The following COL22A1 variants were observed in gnomAD, a reference collection of about 807,000 sequenced individuals.
COL22A1 encodes the protein collagen type XXII alpha 1 chain.
COL22A1 carries 221 observed loss-of-function variants against 248.9 expected under a neutral mutation model. The observed-to-expected ratio is 0.89, with a 90% CI of 0.80 to 0.99. The LOEUF (loss-of-function observed/expected upper bound fraction) is 0.99, where lower values mean the gene tolerates loss of function less well. Among genes scored for constraint, COL22A1 ranks in the 50% least tolerant of loss-of-function variants. The pLI, the probability that COL22A1 is intolerant of heterozygous loss-of-function variation, is 0.00. For synonymous variants in COL22A1, 891 were observed against 793.4 expected (o/e 1.12, Z -2.07); for missense variants, 2,240 against 2,179.0 (o/e 1.03, Z -0.56).
At chr8:138,671,497 G>A (rs1438195322) in intron 41 of COL22A1, among the ~76,000 whole-genome samples, 2 of 152,222 alleles carry the variant, frequency 1.3e-5, no homozygotes, top group Non-Finnish European at 2.9e-5. Context: ...TAAATGCTGC[G>A]TGATTCTAAT....
In COL22A1 at chr8:138,606,433, C is replaced by A. The variant is rs1357552069; in HGVS notation, c.4052G>T (p.Gly1351Val). 1 of 1,613,720 alleles carries A rather than the reference C, an allele frequency of 6.2e-7. No individual in the cohort carries two copies. The highest frequency in any genetic ancestry group is 2.2e-5 in the East Asian group (1 of 44,854). ...AGGAAGTCCTGGGCTGCCATTTTCC[C>A]CTTTGCTTCCTTTCTGGCCCTGCAA... The part of the protein sequence containing the change: ...SGTPGQKGSK[G>V]ENGSPGLPGF... Residue 1351 changes from glycine (G) to valine (V), a missense_variant, in exon 58 of 65, where the codon GGG (glycine) becomes GTG (valine). Gly to Val is a moderately radical substitution (Grantham distance 109, BLOSUM62 -3). Transcript: ENST00000303045.
intron 12 of COL22A1, among the ~76,000 whole-genome samples, chr8:138,794,400 A>AT (rs1447160037): frequency 6.6e-6 from 1 of 151,448 alleles, no homozygotes; most frequent in East Asian, 1.9e-4. Context: ...AAAAAAAAAA[A>AT]GGAGCTGCTG....
At chr8:138,796,677 G>C in intron 12 of COL22A1, 142 bp downstream of exon 12, 4 of 691,604 alleles carry the variant, frequency 5.8e-6, no homozygotes, top group Non-Finnish European at 1.1e-5. Context: ...GACACACATT[G>C]AGGCCAGTTA....
chr8:138,863,544 T>G lies in COL22A1; in HGVS notation c.658+14206A>C, dbSNP rs16909719. On this transcript the variant is annotated intron_variant, in intron 3 of 64. Transcript: ENST00000303045. The stretch of plus-strand genomic sequence containing the variant: ...GGTCCATTTTACCTGAGTCCCAATC[T>G]ACAAAGCAATAGCACTGAGCAAGTC... 2.0e-4 allele frequency among the ~76,000 whole-genome samples: 31 copies of G among 152,264 alleles called. 1 individual carries two copies. Among genetic ancestry groups the G allele is most frequent in the East Asian group, 1.7e-3 (9 of 5,176 alleles).
intron 56 of COL22A1, among the ~76,000 whole-genome samples, chr8:138,609,451 G>A (rs1327762735): frequency 5.3e-5 from 8 of 152,132 alleles, no homozygotes; most frequent in Admixed American, 1.3e-4. Context: ...CAGCACAGAC[G>A]TCTTTCTCCC....
chr8:138,781,304 G>T (rs1233527698), intron 12 of COL22A1, among the ~76,000 whole-genome samples: 5 of 152,130 alleles, frequency 3.3e-5, no homozygotes, highest in Non-Finnish European at 5.9e-5. Context: ...CCCTGGGCTT[G>T]GTCTCATATG....
At chr8:138,855,459 G>C (rs1807626476) in intron 3 of COL22A1, among the ~76,000 whole-genome samples, 1 of 152,206 alleles carries the variant, frequency 6.6e-6, no homozygotes, top group African/African-American at 2.4e-5. Flanking sequence ...GGCCGGGGGA[G>C]AGCAGGCTCG....
intron 5 of COL22A1, chr8:138,827,128 C>G (rs755690937): frequency 3.5e-6 from 1 of 282,456 alleles, no homozygotes; most frequent in Admixed American, 4.2e-5. Flanking sequence ...CACCCAGCTT[C>G]GCTGCTCCCT....
intron 1 of COL22A1, among the ~76,000 whole-genome samples, chr8:138,900,246 C>A (rs1454568938): frequency 6.6e-6 from 1 of 152,146 alleles, no homozygotes; most frequent in African/African-American, 2.4e-5. Flanking sequence ...AGTGCTTGAT[C>A]AGGTGCCTTG....
At chr8:138,894,628 G>A (rs1825280015) in intron 1 of COL22A1, among the ~76,000 whole-genome samples, 1 of 152,166 alleles carries the variant, frequency 6.6e-6, no homozygotes, top group Non-Finnish European at 1.5e-5. Flanking sequence ...TGGAGCTGGA[G>A]ATATTCCTGG....
In COL22A1 at chr8:138,793,682, G is replaced by A. The variant is rs186409912; in HGVS notation, c.1596+3137C>T. The stretch of plus-strand genomic sequence containing the variant: ...TCCATGGCCACAACTATGCCCTCGC[G>A]GCATCAGACCCTTGAATGTGATGCT... On this transcript the variant is annotated intron_variant, in intron 12 of 64. Transcript: ENST00000303045. 1.6e-3 allele frequency among the ~76,000 whole-genome samples: 246 copies of A among 152,278 alleles called. 6 individuals are homozygous for A. The East Asian group carries it at 0.038, about 24-fold the overall frequency.
At chr8:138,622,146 T>C (rs1433685890) in intron 52 of COL22A1, among the ~76,000 whole-genome samples, 1 of 152,234 alleles carries the variant, frequency 6.6e-6, no homozygotes, top group Non-Finnish European at 1.5e-5. Flanking sequence ...TTAGTGGTTC[T>C]AAAGGCTCTG....
At chr8:138,902,360 G>A (rs972278155) in intron 1 of COL22A1, among the ~76,000 whole-genome samples, 3 of 152,154 alleles carry the variant, frequency 2.0e-5, no homozygotes, top group Non-Finnish European at 1.5e-5. Flanking sequence ...GCTCTGATGG[G>A]AGGGCAGAGA....
chr8:138,613,235 G>A (rs1412571912), intron 56 of COL22A1, among the ~76,000 whole-genome samples: 3 of 140,670 alleles, frequency 2.1e-5, no homozygotes, highest in African/African-American at 2.5e-5. Context: ...GTGACAGAGC[G>A]AGACTCCGTT....
At position 138,649,746 on chromosome 8, in the gene COL22A1, T is replaced by TG. The variant is rs2130548666; in HGVS notation, c.3365dup (p.Gly1123ArgfsTer9). The TG allele has an allele frequency of 6.2e-7, 1 of 1,606,646 alleles. No homozygotes were observed. ...TAAAACCTGGTAGACCAGGGAGGCC[T>TG]GGGGGGCCAGGAGGGCAGTCATTGC... On this transcript the variant is annotated frameshift_variant, in exon 46 of 65. Coordinates refer to ENST00000303045, the MANE Select transcript of COL22A1 (RefSeq NM_152888.3). LOFTEE classifies it high-confidence loss of function.
At chr8:138,813,552 T>A (rs1187701482) in intron 7 of COL22A1, among the ~76,000 whole-genome samples, 1 of 152,170 alleles carries the variant, frequency 6.6e-6, no homozygotes, top group Non-Finnish European at 1.5e-5. Context: ...ATGTCGTTAT[T>A]AGCAGTGTGA....
intron 25 of COL22A1, among the ~76,000 whole-genome samples, chr8:138,723,639 C>T (rs550635697): frequency 9.2e-5 from 14 of 152,298 alleles, no homozygotes; most frequent in East Asian, 3.9e-4. Flanking sequence ...TTATTGGTGA[C>T]GTTGCAGTTG....
At chr8:138,793,288 AC>A (rs1816226725) in intron 12 of COL22A1, among the ~76,000 whole-genome samples, 2 of 152,038 alleles carry the variant, frequency 1.3e-5, no homozygotes, top group Non-Finnish European at 2.9e-5. Context: ...CCCTCTCTAG[AC>A]GCTATCAATT....
intron 30 of COL22A1, among the ~76,000 whole-genome samples, chr8:138,712,284 G>T (rs1829034844): frequency 6.6e-6 from 1 of 152,206 alleles, no homozygotes; most frequent in African/African-American, 2.4e-5. Context: ...CTACTAAGCT[G>T]CAGGCAAGCA....
Sources: allele counts gnomAD v4.1 joint callset (sites outside exome capture counted in the v4.1 genomes callset), GRCh38; gene constraint gnomAD v4.1.1; transcripts MANE v1.5; gene names NCBI Gene and HGNC (gene_info 2026-07-23, HGNC 2026-07-21).